The following LRP1B variants were observed in gnomAD, a reference collection of about 807,000 sequenced individuals.
The protein encoded by LRP1B is low-density lipoprotein receptor-related protein 1B.
Under a neutral mutation model 556.6 loss-of-function variants are expected in LRP1B, and 217 were observed. The observed-to-expected ratio is 0.39, with a 90% CI of 0.35 to 0.44. The LOEUF (loss-of-function observed/expected upper bound fraction) is 0.44. Ranked by LOEUF, LRP1B falls within the 20% of genes least tolerant of loss-of-function variation. The probability of loss-of-function intolerance (pLI) is 1.00; values close to 1 mark genes in which losing one functional copy is unlikely to be tolerated. For missense variants in LRP1B, 5,053 were observed against 5,620.8 expected, an observed-to-expected ratio of 0.90 and a Z score of 3.23; for synonymous variants, 2,047 against 1,865.8, an observed-to-expected ratio of 1.10 and a Z score of -2.50.
rs1370873415 is a variant in LRP1B, at chr2:140,407,499, C to A, written c.10415-21490G>T. ...ATCAGCAAGAAAAGGACAAATAATC[C>A]CATTAAAAAGTGGGCAAATGACATG... On this transcript the variant is annotated intron_variant, in intron 66 of 90. Coordinates refer to ENST00000389484, the MANE Select transcript of LRP1B (RefSeq NM_018557.3). 7.9e-5 allele frequency among the ~76,000 whole-genome samples: 12 copies of A among 151,658 alleles called. No individual in the cohort carries two copies. In the Admixed American group the frequency reaches 7.9e-4, roughly 10 times the overall value.
At chr2:141,631,271 T>G (rs1198549846) in intron 2 of LRP1B, among the ~76,000 whole-genome samples, 2 of 152,060 alleles carry the variant, frequency 1.3e-5, no homozygotes, top group East Asian at 3.9e-4. Context: ...ATGCTTCAAT[T>G]ACCTCCCACT....
chr2:142,043,220 A>G (rs926734781), intron 1 of LRP1B, among the ~76,000 whole-genome samples: 5 of 151,666 alleles, frequency 3.3e-5, no homozygotes, highest in African/African-American at 1.2e-4. Flanking sequence ...ATCCAGATAC[A>G]TCATATTCTG....
At chr2:142,003,249 TAATGCAATATATCA>T (rs1316760855) in intron 1 of LRP1B, among the ~76,000 whole-genome samples, 1 of 152,240 alleles carries the variant, frequency 6.6e-6, no homozygotes, top group Non-Finnish European at 1.5e-5. Flanking sequence ...TATAATTGTT[TAATGCAATATATCA>T]AATGCCTAAT....
chr2:140,288,158 T>TA lies in LRP1B; in HGVS notation c.12967+9649_12967+9650insT, dbSNP rs57215445. On this transcript the variant is annotated intron_variant, in intron 84 of 90. Transcript: ENST00000389484. The stretch of plus-strand genomic sequence containing the variant: ...TACATTTAAAATTTGGGGATTTTTT[T>TA]TTTTCCTTGACAGCTGACAATGACA... Among the ~76,000 whole-genome samples, 300 of 151,218 alleles carry TA rather than the reference T, an allele frequency of 2.0e-3. 2 individuals carry two copies. The highest frequency in any genetic ancestry group is 6.8e-3 in the Middle Eastern group (2 of 292).
chr2:141,868,032 T>C (rs1698469455), intron 1 of LRP1B, among the ~76,000 whole-genome samples: 2 of 152,180 alleles, frequency 1.3e-5, no homozygotes, highest in South Asian at 4.1e-4. Context: ...TCATTTAATG[T>C]AGTCCTTCCT....
intron 3 of LRP1B, among the ~76,000 whole-genome samples, chr2:141,364,707 A>G (rs1028286457): frequency 6.6e-6 from 1 of 152,228 alleles, no homozygotes; most frequent in Non-Finnish European, 1.5e-5. Flanking sequence ...ATATTTCCAG[A>G]TAGCACCTTT....
At chr2:141,143,085 C>T (rs1237746772) in intron 7 of LRP1B, among the ~76,000 whole-genome samples, 11 of 152,064 alleles carry the variant, frequency 7.2e-5, no homozygotes, top group South Asian at 4.1e-4. Context: ...CGTGCTACCA[C>T]GCCTGGCTAA....
rs138733655 is a variant in LRP1B, at chr2:140,508,884, G to C, written c.8398+1044C>G. On this transcript the variant is annotated intron_variant, in intron 52 of 90. Transcript: ENST00000389484. ...GGACCATCTGGATCCCTGAATTGATGCATAATCCTTTATTATGTAGCCCTC... is the reference window on the plus strand; with the variant it reads ...GGACCATCTGGATCCCTGAATTGATCCATAATCCTTTATTATGTAGCCCTC... Among the ~76,000 whole-genome samples the C allele has an allele frequency of 1.5e-3, 232 of 152,152 alleles. 1 individual carries two copies. Among genetic ancestry groups the C allele is most frequent in the African/African-American group, 5.2e-3 (214 of 41,500 alleles).
At chr2:142,057,463 A>T (rs1704719201) in intron 1 of LRP1B, among the ~76,000 whole-genome samples, 1 of 152,140 alleles carries the variant, frequency 6.6e-6, no homozygotes, top group Admixed American at 6.6e-5. Context: ...AAATGCTTAC[A>T]TCTGTATCAA....
chr2:140,337,231 G>A (rs564348445), intron 77 of LRP1B, among the ~76,000 whole-genome samples: 1 of 151,956 alleles, frequency 6.6e-6, no homozygotes, highest in Non-Finnish European at 1.5e-5. Context: ...TGCTGTTTAT[G>A]ATCAGTTCTT....
At position 140,238,148 on chromosome 2, in the gene LRP1B, C is replaced by G. The variant is rs759172873; in HGVS notation, c.13560+4G>C. ...TCACTGCCCATTATCTTAAGACATA[C>G]TACCTTTGTTGGGTCTATCATAAAG... On this transcript the variant is annotated splice_donor_region_variant and intron_variant, in intron 89 of 90. Coordinates refer to ENST00000389484, the MANE Select transcript of LRP1B (RefSeq NM_018557.3). 6.3e-7 allele frequency: 1 copy of G among 1,596,764 alleles called. No individual in the cohort carries two copies. Among genetic ancestry groups the G allele is most frequent in the Non-Finnish European group, 8.5e-7 (1 of 1,170,528 alleles).
chr2:141,405,631 G>A (rs893213545), intron 3 of LRP1B, among the ~76,000 whole-genome samples: 9 of 151,978 alleles, frequency 5.9e-5, no homozygotes, highest in African/African-American at 2.2e-4. Flanking sequence ...AGACAACAGA[G>A]ATACTTATTT....
At chr2:140,749,527 G>A (rs1417423507) in intron 35 of LRP1B, among the ~76,000 whole-genome samples, 1 of 151,236 alleles carries the variant, frequency 6.6e-6, no homozygotes, top group Non-Finnish European at 1.5e-5. Flanking sequence ...AAACTTTTTT[G>A]TTAAAAACAA....
At chr2:141,517,701 C>T in intron 2 of LRP1B, among the ~76,000 whole-genome samples, 1 of 152,142 alleles carries the variant, frequency 6.6e-6, no homozygotes, top group South Asian at 2.1e-4. Context: ...GTTTACCCAC[C>T]AAGAAGTTAG....
At chr2:141,058,834 C>T (rs1158172897) in intron 9 of LRP1B, 49 bp downstream of exon 9, 2 of 1,457,848 alleles carry the variant, frequency 1.4e-6, no homozygotes, top group African/African-American at 1.4e-5. Context: ...GGACTATATC[C>T]CCATTCAATC....
intron 1 of LRP1B, among the ~76,000 whole-genome samples, chr2:142,111,900 C>A (rs1230820100): frequency 6.6e-6 from 1 of 151,998 alleles, no homozygotes; most frequent in East Asian, 1.9e-4. Flanking sequence ...TCATTATCCC[C>A]ATTTTATAGA....
chr2:140,839,361 G>A (rs183307157), intron 31 of LRP1B, among the ~76,000 whole-genome samples: 2,255 of 152,164 alleles, frequency 0.015, 54 homozygotes, highest in African/African-American at 0.052. Flanking sequence ...ATTGTTCCTC[G>A]GTGTGTCTGT....
At chr2:140,470,028 A>C (rs184521817) in intron 60 of LRP1B, among the ~76,000 whole-genome samples, 14 of 152,344 alleles carry the variant, frequency 9.2e-5, no homozygotes, top group African/African-American at 3.1e-4. Flanking sequence ...GACTTAGTTC[A>C]TAAGAGGATG....
At chr2:140,575,817 C>T (rs1342395986) in intron 43 of LRP1B, among the ~76,000 whole-genome samples, 3 of 151,590 alleles carry the variant, frequency 2.0e-5, no homozygotes, top group Non-Finnish European at 2.9e-5. Flanking sequence ...CTCAGCTACT[C>T]GGGAGGCTGA....
Sources: allele counts gnomAD v4.1 joint callset (sites outside exome capture counted in the v4.1 genomes callset), GRCh38; gene constraint gnomAD v4.1.1; transcripts MANE v1.5; gene names NCBI Gene and HGNC (gene_info 2026-07-23, HGNC 2026-07-21).